CRADD: variants seen among roughly 807,000 people sequenced by gnomAD.
CRADD encodes CARD and death domain containing adaptor protein.
A neutral mutation model predicts 15.5 loss-of-function variants in CRADD; 9 were observed. That is an observed-to-expected ratio of 0.58 (90% CI 0.35 to 1.01). CRADD has a LOEUF of 1.01. Ranked by LOEUF, CRADD falls within the 50% of genes least tolerant of loss-of-function variation. The probability of loss-of-function intolerance (pLI) is 0.02; values close to 1 mark genes in which losing one functional copy is unlikely to be tolerated. For missense variants in CRADD, 227 were observed against 250.3 expected (o/e 0.91, Z 0.63); for synonymous variants, 118 against 107.6 (o/e 1.10, Z -0.60).
chr12:93,715,091 G>A (rs553064403), intron 2 of CRADD, among the ~76,000 whole-genome samples: 1 of 152,146 alleles, frequency 6.6e-6, no homozygotes, highest in South Asian at 2.1e-4. Context: ...TCACTAAGTG[G>A]TTTTAGCTGC....
intron 2 of CRADD, among the ~76,000 whole-genome samples, chr12:93,687,515 T>A (rs1812958864): frequency 6.6e-6 from 1 of 152,196 alleles, no homozygotes; most frequent in Non-Finnish European, 1.5e-5. Flanking sequence ...CACACGGGCA[T>A]GCCCATGTGT....
At chr12:93,871,597 C>G (rs1363395050) in intron 2 of CRADD, among the ~76,000 whole-genome samples, 3 of 152,132 alleles carry the variant, frequency 2.0e-5, no homozygotes, top group African/African-American at 7.2e-5. Flanking sequence ...TACCATCCTT[C>G]TACTCTCTAT....
intron 2 of CRADD, among the ~76,000 whole-genome samples, chr12:93,795,598 G>GCTCAGATCTCCTTT (rs1376715249): frequency 5.9e-5 from 9 of 152,112 alleles, no homozygotes; most frequent in Non-Finnish European, 1.0e-4. Flanking sequence ...GAGATCTGTT[G>GCTCAGATCTCCTTT]GCTCCATTCA....
chr12:93,733,822 A>G (rs1956513647), intron 2 of CRADD, among the ~76,000 whole-genome samples: 1 of 150,538 alleles, frequency 6.6e-6, no homozygotes, highest in African/African-American at 2.4e-5. Flanking sequence ...CTGCAGCCTC[A>G]ATCTCCTAGG....
intron 2 of CRADD, among the ~76,000 whole-genome samples, chr12:93,717,328 C>T (rs1956179557): frequency 6.6e-6 from 1 of 152,136 alleles, no homozygotes; most frequent in African/African-American, 2.4e-5. Context: ...CTCATCTTCT[C>T]ATTCTCTTGA....
chr12:93,804,705 A>G (rs879783806), intron 2 of CRADD, among the ~76,000 whole-genome samples: 9 of 152,050 alleles, frequency 5.9e-5, no homozygotes, highest in Non-Finnish European at 8.8e-5. Context: ...AGTCCTTCCA[A>G]TTTACACCAA....
chr12:93,860,753 A>C (rs146085063), intron 2 of CRADD, among the ~76,000 whole-genome samples: 157 of 152,344 alleles, frequency 1.0e-3, no homozygotes, highest in Non-Finnish European at 1.4e-3. Flanking sequence ...TTTGGTTGCT[A>C]CCTAAGCAAA....
At chr12:93,735,395 G>A (rs184894071) in intron 2 of CRADD, among the ~76,000 whole-genome samples, 25 of 152,256 alleles carry the variant, frequency 1.6e-4, no homozygotes, top group African/African-American at 5.3e-4. Context: ...CAGAGCCTAG[G>A]GAAAATAGAA....
intron 2 of CRADD, among the ~76,000 whole-genome samples, chr12:93,763,807 C>T (rs1027246990): frequency 1.3e-5 from 2 of 152,170 alleles, no homozygotes; most frequent in African/African-American, 2.4e-5. Context: ...AGGGTCCCCC[C>T]ATCTCAGGGA....
At chr12:93,756,058 C>G (rs1956886751) in intron 2 of CRADD, among the ~76,000 whole-genome samples, 1 of 152,094 alleles carries the variant, frequency 6.6e-6, no homozygotes, top group Admixed American at 6.5e-5. Context: ...AAATTTTAAT[C>G]AGCCTACAAT....
intron 2 of CRADD, among the ~76,000 whole-genome samples, chr12:93,768,779 CT>C (rs1414118319): frequency 1.3e-5 from 2 of 152,118 alleles, no homozygotes; most frequent in Non-Finnish European, 1.5e-5. Context: ...ATTTACTGCC[CT>C]CTACTTAGGT....
chr12:93,742,779 T>C (rs1956694598), intron 2 of CRADD, among the ~76,000 whole-genome samples: 1 of 152,108 alleles, frequency 6.6e-6, no homozygotes, highest in Non-Finnish European at 1.5e-5. Flanking sequence ...TTGCCGGCAA[T>C]TTCTTGTTGT....
At chr12:93,888,635 G>T (rs1565949566) in intron 2 of CRADD, among the ~76,000 whole-genome samples, 2 of 152,116 alleles carry the variant, frequency 1.3e-5, no homozygotes, top group Admixed American at 6.5e-5. Flanking sequence ...GCAAGGCAGG[G>T]TGGTGGGGTG....
At chr12:93,805,367 A>G (rs1957525172) in intron 2 of CRADD, among the ~76,000 whole-genome samples, 1 of 152,090 alleles carries the variant, frequency 6.6e-6, no homozygotes, top group South Asian at 2.1e-4. Context: ...TTGAAAGGGT[A>G]TATACAGTCT....
intron 2 of CRADD, among the ~76,000 whole-genome samples, chr12:93,764,780 T>C (rs1286330955): frequency 1.3e-5 from 2 of 151,980 alleles, no homozygotes; most frequent in African/African-American, 4.8e-5. Context: ...CATAGAAATA[T>C]ATAAAAATTC....
chr12:93,741,573 A>G (rs932862647), intron 2 of CRADD, among the ~76,000 whole-genome samples: 4 of 152,254 alleles, frequency 2.6e-5, no homozygotes, highest in African/African-American at 9.6e-5. Context: ...GAAAGTTAAC[A>G]TGACAGGAAA....
intron 2 of CRADD, among the ~76,000 whole-genome samples, chr12:93,879,048 T>G (rs931867521): frequency 6.6e-6 from 1 of 152,306 alleles, no homozygotes; most frequent in South Asian, 2.1e-4. Flanking sequence ...TTCTATATTC[T>G]TTATCTTTTT....
At chr12:93,712,530 C>T (rs1369526075) in intron 2 of CRADD, among the ~76,000 whole-genome samples, 4 of 152,062 alleles carry the variant, frequency 2.6e-5, no homozygotes, top group Admixed American at 6.5e-5. Context: ...TTAAAGCTTG[C>T]GAAAGTTGAA....
At chr12:93,856,638 A>G (rs1191519119) in intron 2 of CRADD, among the ~76,000 whole-genome samples, 2 of 152,224 alleles carry the variant, frequency 1.3e-5, no homozygotes, top group Admixed American at 6.5e-5. Flanking sequence ...TCTCCTTGCC[A>G]TGGATATGCA....
Sources: allele counts gnomAD v4.1 joint callset (sites outside exome capture counted in the v4.1 genomes callset), GRCh38; gene constraint gnomAD v4.1.1; transcripts MANE v1.5; gene names NCBI Gene and HGNC (gene_info 2026-07-23, HGNC 2026-07-21).